Variants in TENM2 observed in about 807,000 individuals in gnomAD.
TENM2 encodes the protein teneurin transmembrane protein 2.
A neutral mutation model predicts 245.2 loss-of-function variants in TENM2; 52 were observed. The ratio of observed to expected loss-of-function variants is 0.21; its 90% CI spans 0.17 to 0.27. The LOEUF (loss-of-function observed/expected upper bound fraction) is 0.27, where lower values mean the gene tolerates loss of function less well. Ranked by LOEUF, TENM2 falls within the 10% of genes least tolerant of loss-of-function variation. The probability of loss-of-function intolerance (pLI) is 1.00; values close to 1 mark genes in which losing one functional copy is unlikely to be tolerated. For synonymous variants in TENM2, 1,363 were observed against 1,438.9 expected (o/e 0.95, Z 1.19); for missense variants, 3,046 against 3,666.8 (o/e 0.83, Z 4.37).
chr5:167,511,320 G>A (rs982542215), intron 2 of TENM2, among the ~76,000 whole-genome samples: 1 of 152,000 alleles, frequency 6.6e-6, no homozygotes, highest in African/African-American at 2.4e-5. Context: ...TCACTGAGAA[G>A]GTAAAACGTG....
intron 25 of TENM2, among the ~76,000 whole-genome samples, chr5:168,231,288 A>G (rs1764872610): frequency 6.6e-6 from 1 of 152,262 alleles, no homozygotes; most frequent in Admixed American, 6.5e-5. Context: ...ACAAGAGATC[A>G]GGAAGGGCTT....
intron 8 of TENM2, among the ~76,000 whole-genome samples, chr5:168,096,869 G>GTAA (rs33965971): frequency 0.49 from 75,059 of 151,718 alleles, 19,382 homozygotes; most frequent in African/African-American, 0.57. Flanking sequence ...TAGGATTATG[G>GTAA]TAATAATTTT....
chr5:167,574,617 A>G (rs1049043261), intron 2 of TENM2, among the ~76,000 whole-genome samples: 6 of 152,178 alleles, frequency 3.9e-5, no homozygotes, highest in Non-Finnish European at 8.8e-5. Context: ...TGAAGTTAAA[A>G]CATCAGGTTA....
intron 2 of TENM2, among the ~76,000 whole-genome samples, chr5:167,538,606 G>A (rs1415213349): frequency 6.6e-6 from 1 of 152,192 alleles, no homozygotes; most frequent in Non-Finnish European, 1.5e-5. Context: ...CTAAGCTGAA[G>A]GTAACTATCA....
At chr5:167,691,052 C>T (rs78255513) in intron 2 of TENM2, among the ~76,000 whole-genome samples, 1 of 151,298 alleles carries the variant, frequency 6.6e-6, no homozygotes, top group Non-Finnish European at 1.5e-5. Flanking sequence ...ACTTTGAAGA[C>T]AAATTGAAAA....
At chr5:167,218,804 A>G in the TENM2 span, among the ~76,000 whole-genome samples, 1 of 152,210 alleles carries the variant, frequency 6.6e-6, no homozygotes, top group South Asian at 2.1e-4. Flanking sequence ...TAGGCAAAAC[A>G]AGGGTATCGT....
the TENM2 span, among the ~76,000 whole-genome samples, chr5:167,063,178 T>C: frequency 6.6e-6 from 1 of 152,190 alleles, no homozygotes; most frequent in East Asian, 1.9e-4. Context: ...TCAATATCTG[T>C]TTCTGGAGCC....
rs369314036 is a variant in TENM2 at position 167,321,204 on chromosome 5, T to TA, written c.226+36152dup. ...TAGCTGTGATATGTATTCACAAAAT[T>TA]AAAAAAAAAAAGATAATCCAAGAGT... On this transcript the variant is annotated intron_variant, in intron 1 of 28. Transcript: ENST00000518659. Among the ~76,000 whole-genome samples, 1,210 of 149,784 alleles carry TA rather than the reference T, an allele frequency of 8.1e-3. 93 individuals are homozygous for TA. The East Asian group carries it at 0.18, about 23-fold the overall frequency.
intron 2 of TENM2, among the ~76,000 whole-genome samples, chr5:167,602,497 G>C (rs2127731284): frequency 6.6e-6 from 1 of 152,292 alleles, no homozygotes; most frequent in African/African-American, 2.4e-5. Flanking sequence ...GCTGAAGATT[G>C]AGTGTTTTTG....
chr5:167,952,730 G>A lies in TENM2; in HGVS notation c.855G>A (p.Pro285=), dbSNP rs145414372. 1.1e-4 allele frequency: 178 copies of A among 1,599,364 alleles called. No homozygotes were observed. The East Asian group carries it at 3.8e-3, about 34-fold the overall frequency. Residue 285 remains proline (P), a synonymous_variant, in exon 4 of 29, where the codon CCG becomes CCA. Coordinates refer to ENST00000518659, the Ensembl canonical transcript of TENM2. ...ATCGGCGGAGTCAGATCCACGCCCC[G>A]GCCCCAGCGCCCAATGACCTGGCCA... is the stretch of plus-strand genomic sequence containing the variant.
At chr5:167,977,418 A>G (rs1199606077) in intron 4 of TENM2, among the ~76,000 whole-genome samples, 1 of 152,224 alleles carries the variant, frequency 6.6e-6, no homozygotes, top group Non-Finnish European at 1.5e-5. Context: ...AAACTGATGC[A>G]TGAGTTCTTC....
chr5:167,748,544 A>T (rs1761740420), intron 2 of TENM2, among the ~76,000 whole-genome samples: 1 of 151,440 alleles, frequency 6.6e-6, no homozygotes, highest in African/African-American at 2.4e-5. Flanking sequence ...ACATGCCACC[A>T]CTCCTGGCTC....
chr5:167,524,325 A>G (rs902478387), intron 2 of TENM2, among the ~76,000 whole-genome samples: 2 of 152,180 alleles, frequency 1.3e-5, no homozygotes, highest in Admixed American at 6.5e-5. Flanking sequence ...ACTTCCCTAT[A>G]TTGTTTTGAG....
chr5:167,541,180 C>T (rs932617105), intron 2 of TENM2, among the ~76,000 whole-genome samples: 12 of 152,136 alleles, frequency 7.9e-5, no homozygotes, highest in African/African-American at 2.2e-4. Context: ...TCTAATAAAA[C>T]CTGAAGAAAG....
At chr5:167,704,185 T>C (rs1051546458) in intron 2 of TENM2, among the ~76,000 whole-genome samples, 1 of 152,162 alleles carries the variant, frequency 6.6e-6, no homozygotes, top group African/African-American at 2.4e-5. Context: ...TATTGAGAGG[T>C]AGCTGGAGGG....
intron 1 of TENM2, among the ~76,000 whole-genome samples, chr5:167,350,488 C>A (rs1758764754): frequency 7.0e-6 from 1 of 143,738 alleles, no homozygotes; most frequent in African/African-American, 2.6e-5. Context: ...TATATCCTAT[C>A]TATATATATA....
the TENM2 span, among the ~76,000 whole-genome samples, chr5:166,979,458 GA>G: frequency 6.6e-6 from 1 of 152,130 alleles, no homozygotes; most frequent in Non-Finnish European, 1.5e-5. Context: ...AGCTGGGACC[GA>G]AGACTCTAGG....
the TENM2 span, among the ~76,000 whole-genome samples, chr5:167,126,693 T>A: frequency 6.6e-6 from 1 of 152,156 alleles, no homozygotes; most frequent in African/African-American, 2.4e-5. Flanking sequence ...TTTTGCAATT[T>A]TTTTTGTTTA....
intron 12 of TENM2, among the ~76,000 whole-genome samples, chr5:168,158,960 C>G (rs888487636): frequency 7.0e-5 from 10 of 143,568 alleles, no homozygotes; most frequent in African/African-American, 2.6e-4. Context: ...TATATATGTA[C>G]GTGTATACAT....
Sources: allele counts gnomAD v4.1 joint callset (sites outside exome capture counted in the v4.1 genomes callset), GRCh38; gene constraint gnomAD v4.1.1; transcripts MANE v1.5; gene names NCBI Gene and HGNC (gene_info 2026-07-23, HGNC 2026-07-21).